Variants in ADAM22 observed in about 807,000 individuals in gnomAD.
The protein encoded by ADAM22 is ADAM metallopeptidase domain 22, also known as disintegrin and metalloproteinase domain-containing protein 22.
ADAM22 carries 65 observed loss-of-function variants against 144.6 expected under a neutral mutation model. The observed-to-expected ratio is 0.45, with a 90% CI of 0.37 to 0.55. The LOEUF (loss-of-function observed/expected upper bound fraction) is 0.55. Among genes scored for constraint, ADAM22 ranks in the 20% least tolerant of loss-of-function variants. The pLI, the probability that ADAM22 is intolerant of heterozygous loss-of-function variation, is 0.00. For missense variants in ADAM22, 974 were observed against 1,184.9 expected (o/e 0.82, Z 2.61); for synonymous variants, 391 against 412.6 (o/e 0.95, Z 0.63).
chr7:88,096,594 A>G (rs924238354), intron 4 of ADAM22, among the ~76,000 whole-genome samples: 3 of 151,634 alleles, frequency 2.0e-5, no homozygotes, highest in South Asian at 4.1e-4. Flanking sequence ...AAAAAATTGT[A>G]TATTTGGTAT....
intron 7 of ADAM22, among the ~76,000 whole-genome samples, chr7:88,118,309 C>T (rs545745668): frequency 3.1e-4 from 47 of 152,258 alleles, no homozygotes; most frequent in African/African-American, 9.6e-4. Flanking sequence ...CTGTAATTTT[C>T]CTAAAGAGAA....
intron 3 of ADAM22, among the ~76,000 whole-genome samples, chr7:88,014,294 C>T (rs1029879999): frequency 5.3e-5 from 8 of 152,234 alleles, no homozygotes; most frequent in African/African-American, 1.2e-4. Flanking sequence ...TCTGCATAGG[C>T]GTGACAATAT....
chr7:88,168,453 T>G (rs1843441749), intron 25 of ADAM22: 2 of 558,750 alleles, frequency 3.6e-6, no homozygotes, highest in Admixed American at 4.5e-5. Context: ...GAACTGAGTA[T>G]TATTTAAAAA....
At chr7:87,996,031 G>T (rs952160752) in intron 3 of ADAM22, among the ~76,000 whole-genome samples, 1 of 152,138 alleles carries the variant, frequency 6.6e-6, no homozygotes, top group African/African-American at 2.4e-5. Context: ...TCTTGATCTG[G>T]AAATTTGTTA....
At chr7:88,179,856 G>A (rs1846552773) in intron 27 of ADAM22, among the ~76,000 whole-genome samples, 1 of 152,050 alleles carries the variant, frequency 6.6e-6, no homozygotes, top group Non-Finnish European at 1.5e-5. Flanking sequence ...TCTTGTGGGA[G>A]AATTTATTTA....
At chr7:87,986,438 G>C (rs1207946037) in intron 3 of ADAM22, among the ~76,000 whole-genome samples, 1 of 152,166 alleles carries the variant, frequency 6.6e-6, no homozygotes, top group East Asian at 1.9e-4. Flanking sequence ...AAGAGCTAGA[G>C]AATGATCCAA....
intron 3 of ADAM22, among the ~76,000 whole-genome samples, chr7:87,996,229 A>G (rs1214121045): frequency 1.3e-5 from 2 of 152,200 alleles, no homozygotes; most frequent in African/African-American, 4.8e-5. Flanking sequence ...TGGTTAATGT[A>G]CTGTGTACTT....
intron 13 of ADAM22, 108 bp downstream of exon 13, chr7:88,134,527 C>T (rs187079690): frequency 1.1e-5 from 8 of 730,212 alleles, no homozygotes; most frequent in Admixed American, 9.8e-5. Flanking sequence ...GGAATTTGAA[C>T]GATAGTAAAA....
intron 3 of ADAM22, among the ~76,000 whole-genome samples, chr7:88,025,998 G>T (rs1183197633): frequency 6.6e-6 from 1 of 152,052 alleles, no homozygotes; most frequent in Non-Finnish European, 1.5e-5. Flanking sequence ...TTTTGTGTGT[G>T]TGTCCTCTTC....
At chr7:87,935,661 G>C (rs186092611) in intron 2 of ADAM22, among the ~76,000 whole-genome samples, 1 of 152,274 alleles carries the variant, frequency 6.6e-6, no homozygotes, top group African/African-American at 2.4e-5. Context: ...AAAACAAGCT[G>C]AACTTTAAGG....
In ADAM22 at chr7:88,202,884, T is replaced by C. The variant is rs1340676944; in HGVS notation, c.*6393T>C. The C allele has an allele frequency of 6.6e-6, 1 of 152,236 alleles. No homozygotes were observed. The highest frequency in any genetic ancestry group is 2.4e-5 in the African/African-American group (1 of 41,460). 9.4% of individuals were successfully genotyped at this position (152,236 alleles called of 1,614,324 possible). A position where few individuals can be genotyped will look rare whatever the true frequency, so the allele number is the denominator to read the frequency against. On this transcript the variant is annotated 3_prime_UTR_variant, in exon 32 of 32. Transcript: ENST00000413139. ...GACTTTCAATAAAAGATTTATGTTA[T>C]TTTGATGCACGACTCTTCTTTTTCT...
At chr7:88,186,819 G>A (rs1160191099) in intron 30 of ADAM22, 118 bp downstream of exon 30, 2 of 640,332 alleles carry the variant, frequency 3.1e-6, no homozygotes, top group African/African-American at 1.9e-5. Context: ...GGTGGAAAGG[G>A]GTCCTTGTTT....
chr7:88,067,016 A>G (rs1811423394), intron 3 of ADAM22, among the ~76,000 whole-genome samples: 1 of 152,240 alleles, frequency 6.6e-6, no homozygotes, highest in East Asian at 1.9e-4. Context: ...ATGCCCAATA[A>G]TTCAACATTA....
At chr7:87,987,431 T>G (rs1010285880) in intron 3 of ADAM22, among the ~76,000 whole-genome samples, 1 of 152,100 alleles carries the variant, frequency 6.6e-6, no homozygotes, top group African/African-American at 2.4e-5. Context: ...TGCCTGCCTC[T>G]GCCTCCCAAA....
intron 3 of ADAM22, among the ~76,000 whole-genome samples, chr7:88,044,002 A>G (rs1429479882): frequency 2.0e-5 from 3 of 152,226 alleles, no homozygotes; most frequent in Non-Finnish European, 2.9e-5. Flanking sequence ...CAAATCAACT[A>G]TTCTTCTCAT....
chr7:88,064,178 C>T (rs190273265), intron 3 of ADAM22, among the ~76,000 whole-genome samples: 32 of 152,178 alleles, frequency 2.1e-4, no homozygotes, highest in Admixed American at 4.6e-4. Context: ...TTGCCCATAT[C>T]GAAGGCTTTA....
chr7:88,155,888 G>A lies in ADAM22; in HGVS notation c.1789G>A (p.Asp597Asn). Reference protein sequence around the residue: ...KDTWIQCNKRDVLCGYLLCTN... With the variant: ...KDTWIQCNKRNVLCGYLLCTN... ...GTAATTGGTAATCTTTTGATACAGG[G>A]ATGTGCTTTGTGGTTACCTTTTGTG... Residue 597 changes from aspartate (D) to asparagine (N), a missense_variant and splice_region_variant, in exon 22 of 32, where the codon GAT (aspartate) becomes AAT (asparagine). Asp to Asn is a conservative substitution (Grantham distance 23). This residue lies in a region of ADAM22 where 734 missense variants were observed against 950.6 expected (regional missense o/e 0.77). Coordinates refer to ENST00000413139, the MANE Select transcript of ADAM22 (RefSeq NM_001324418.2). The A allele has an allele frequency of 6.2e-7, 1 of 1,612,810 alleles. No individual in the cohort carries two copies. The highest frequency in any genetic ancestry group is 8.5e-7 in the Non-Finnish European group (1 of 1,179,336).
intron 26 of ADAM22, among the ~76,000 whole-genome samples, chr7:88,176,459 C>T (rs553387107): frequency 6.6e-6 from 1 of 152,234 alleles, no homozygotes; most frequent in African/African-American, 2.4e-5. Context: ...CTGAAACCCA[C>T]AGTTTATGAT....
At chr7:88,145,785 T>C (rs529173747) in intron 17 of ADAM22, among the ~76,000 whole-genome samples, 1 of 152,302 alleles carries the variant, frequency 6.6e-6, no homozygotes, top group South Asian at 2.1e-4. Context: ...TGAACCCTGT[T>C]AATCTTCAGA....
Sources: allele counts gnomAD v4.1 joint callset (sites outside exome capture counted in the v4.1 genomes callset), GRCh38; gene constraint gnomAD v4.1.1; regional missense constraint gnomAD v4.1.1; transcripts MANE v1.5; gene names NCBI Gene and HGNC (gene_info 2026-07-23, HGNC 2026-07-21).